Variants in CNBD1 observed in about 807,000 individuals in gnomAD.
CNBD1 encodes the protein cyclic nucleotide binding domain containing 1.
CNBD1 carries 71 observed loss-of-function variants against 54.4 expected under a neutral mutation model. The ratio of observed to expected loss-of-function variants is 1.30; its 90% CI spans 1.08 to 1.59. The LOEUF (loss-of-function observed/expected upper bound fraction) is 1.59, where lower values mean the gene tolerates loss of function less well. Among genes scored for constraint, CNBD1 ranks in the 40% most tolerant of loss-of-function variants. The pLI, the probability that CNBD1 is intolerant of heterozygous loss-of-function variation, is 0.00. For synonymous variants in CNBD1, 182 were observed against 170.7 expected (o/e 1.07, Z -0.51); for missense variants, 659 against 518.0 (o/e 1.27, Z -2.64).
intron 8 of CNBD1, among the ~76,000 whole-genome samples, chr8:87,351,277 G>T (rs1810285649): frequency 6.6e-6 from 1 of 152,262 alleles, no homozygotes; most frequent in African/African-American, 2.4e-5. Flanking sequence ...TCTGGAAAGT[G>T]AATTTTCAAA....
chr8:87,186,469 A>G (rs1813478254), intron 4 of CNBD1, among the ~76,000 whole-genome samples: 1 of 152,072 alleles, frequency 6.6e-6, no homozygotes, highest in Non-Finnish European at 1.5e-5. Flanking sequence ...CCTAGTTATT[A>G]TCCTTTTCCA....
intron 2 of CNBD1, among the ~76,000 whole-genome samples, chr8:87,413,683 C>T (rs1028679614): frequency 1.3e-5 from 2 of 151,832 alleles, no homozygotes; most frequent in African/African-American, 4.8e-5. Flanking sequence ...AAGAAAAAAA[C>T]AAGCAACCCC....
At chr8:87,004,322 T>C (rs549597046) in intron 4 of CNBD1, among the ~76,000 whole-genome samples, 15 of 152,252 alleles carry the variant, frequency 9.9e-5, no homozygotes, top group African/African-American at 3.4e-4. Flanking sequence ...AAGTTATAGT[T>C]TGTTGATCCC....
At chr8:86,975,006 A>ATTTTT (rs1808309966) in intron 4 of CNBD1, among the ~76,000 whole-genome samples, 1 of 152,052 alleles carries the variant, frequency 6.6e-6, no homozygotes, top group Non-Finnish European at 1.5e-5. Context: ...ATCTATTGGG[A>ATTTTT]AACTCCTTTA....
At chr8:87,295,144 C>T (rs1354875935) in intron 8 of CNBD1, among the ~76,000 whole-genome samples, 1 of 151,594 alleles carries the variant, frequency 6.6e-6, no homozygotes, top group Non-Finnish European at 1.5e-5. Flanking sequence ...AATATTATTA[C>T]CAGAGAAGCT....
chr8:87,104,609 A>G lies in CNBD1; in HGVS notation c.432-101384A>G, dbSNP rs374332717. 8.5e-5 allele frequency among the ~76,000 whole-genome samples: 13 copies of G among 152,308 alleles called. 1 individual carries two copies. The highest frequency in any genetic ancestry group is 2.9e-4 in the African/African-American group (12 of 41,570). Reference sequence around the variant, plus strand: ...CAAAGAAAAGAGGCTTTTATGGGAGAGTAAAGGACTGATGGTCTAAAAGAG... The same window carrying G: ...CAAAGAAAAGAGGCTTTTATGGGAGGGTAAAGGACTGATGGTCTAAAAGAG... On this transcript the variant is annotated intron_variant, in intron 4 of 10. Coordinates refer to ENST00000518476, the MANE Select transcript of CNBD1 (RefSeq NM_173538.3).
intron 2 of CNBD1, among the ~76,000 whole-genome samples, chr8:86,892,137 G>A (rs555135895): frequency 3.9e-5 from 6 of 151,920 alleles, no homozygotes; most frequent in Non-Finnish European, 8.8e-5. Flanking sequence ...TCTTGTTCTT[G>A]ATCTTAGATG....
At chr8:87,206,803 T>A (rs1217965103) in intron 5 of CNBD1, among the ~76,000 whole-genome samples, 1 of 152,148 alleles carries the variant, frequency 6.6e-6, no homozygotes, top group Non-Finnish European at 1.5e-5. Flanking sequence ...GAAAAATAAA[T>A]GAAGGAAGAT....
chr8:87,239,612 C>A (rs1415082741), intron 6 of CNBD1, among the ~76,000 whole-genome samples: 1 of 152,128 alleles, frequency 6.6e-6, no homozygotes, highest in Admixed American at 6.6e-5. Context: ...CACCCTCCAA[C>A]AGTTTGGTAA....
intron 4 of CNBD1, among the ~76,000 whole-genome samples, chr8:87,152,147 A>T (rs79497480): frequency 0.02 from 3,116 of 152,186 alleles, 61 homozygotes; most frequent in Non-Finnish European, 0.031. Flanking sequence ...GAAAAAAATT[A>T]AAAAAACCTG....
rs572289551 is a variant in CNBD1 at position 86,986,596 on chromosome 8, A to G, written c.431+46842A>G. On this transcript the variant is annotated intron_variant, in intron 4 of 10. Coordinates refer to ENST00000518476, the MANE Select transcript of CNBD1 (RefSeq NM_173538.3). Reference sequence around the variant, plus strand: ...TCAAAAACTCTTTGCCAAAGCTAGCATTGAAAAGGATATTTCCTAAATTTT... The same window carrying G: ...TCAAAAACTCTTTGCCAAAGCTAGCGTTGAAAAGGATATTTCCTAAATTTT... Among the ~76,000 whole-genome samples the G allele has an allele frequency of 5.9e-5, 9 of 152,298 alleles. No homozygotes were observed. The South Asian group carries it at 1.9e-3, about 32-fold the overall frequency.
chr8:87,349,257 A>G (rs1193852895), intron 8 of CNBD1, among the ~76,000 whole-genome samples: 2 of 152,208 alleles, frequency 1.3e-5, no homozygotes, highest in Non-Finnish European at 2.9e-5. Flanking sequence ...AATGGAAAAC[A>G]TGATCAGAGG....
intron 8 of CNBD1, among the ~76,000 whole-genome samples, chr8:87,300,937 T>C (rs1388582205): frequency 1.3e-5 from 2 of 151,884 alleles, no homozygotes; most frequent in Non-Finnish European, 2.9e-5. Flanking sequence ...ATAAATAAAA[T>C]TGATAGACCA....
intron 4 of CNBD1, among the ~76,000 whole-genome samples, chr8:87,180,400 C>G (rs1813287628): frequency 6.6e-6 from 1 of 152,054 alleles, no homozygotes; most frequent in South Asian, 2.1e-4. Context: ...CCAAAATAAG[C>G]CTAATACGTT....
Position 87,351,671 on chromosome 8 carries a change from T to A in CNBD1, c.1043-14T>A. ...ACAAGAATGTGTGAAATGAACTATCTCTCTTCTTTTCAGTGATAGTGGAAA... is the reference window on the plus strand; with the variant it reads ...ACAAGAATGTGTGAAATGAACTATCACTCTTCTTTTCAGTGATAGTGGAAA... On this transcript the variant is annotated splice_polypyrimidine_tract_variant and intron_variant, in intron 8 of 10. Coordinates refer to ENST00000518476, the MANE Select transcript of CNBD1 (RefSeq NM_173538.3). 3 of 1,477,294 alleles carry A rather than the reference T, an allele frequency of 2.0e-6. No homozygotes were observed. The highest frequency in any genetic ancestry group is 2.7e-6 in the Non-Finnish European group (3 of 1,116,262). The allele number at this position is 1,477,294 out of a possible 1,614,324, so 91.5% of individuals were successfully genotyped here.
intron 4 of CNBD1, among the ~76,000 whole-genome samples, chr8:87,174,238 G>C (rs565156597): frequency 1.3e-5 from 2 of 152,066 alleles, no homozygotes; most frequent in Non-Finnish European, 2.9e-5. Flanking sequence ...GATTACAGAC[G>C]TGAGCCACCA....
intron 4 of CNBD1, among the ~76,000 whole-genome samples, chr8:87,005,052 A>AT (rs879551172): frequency 1.2e-3 from 181 of 146,836 alleles, no homozygotes; most frequent in African/African-American, 3.0e-3. Context: ...ATACTTGAAG[A>AT]TTTTTTTTTT....
intron 4 of CNBD1, among the ~76,000 whole-genome samples, chr8:87,179,859 G>A (rs187469556): frequency 6.6e-6 from 1 of 152,108 alleles, no homozygotes; most frequent in Admixed American, 6.5e-5. Flanking sequence ...ACATTAATCA[G>A]TATGTCAAAA....
At chr8:87,237,668 G>C (rs1165887004) in intron 6 of CNBD1, among the ~76,000 whole-genome samples, 1 of 152,100 alleles carries the variant, frequency 6.6e-6, no homozygotes, top group East Asian at 1.9e-4. Context: ...ACATGGGATA[G>C]AGGTCTGAAT....
Sources: allele counts gnomAD v4.1 joint callset (sites outside exome capture counted in the v4.1 genomes callset), GRCh38; gene constraint gnomAD v4.1.1; transcripts MANE v1.5; gene names NCBI Gene and HGNC (gene_info 2026-07-23, HGNC 2026-07-21).